LIPA: variants seen among roughly 807,000 people sequenced by gnomAD.
LIPA encodes the protein lysosomal acid lipase/cholesteryl ester hydrolase.
In LIPA, 26 loss-of-function variants were observed where a neutral mutation model predicts 40.6. That is an observed-to-expected ratio of 0.64 (90% CI 0.47 to 0.89). The LOEUF (loss-of-function observed/expected upper bound fraction) is 0.89, where lower values mean the gene tolerates loss of function less well. Ranked by LOEUF, LIPA falls within the 40% of genes least tolerant of loss-of-function variation. The pLI is 0.00. For missense variants in LIPA, 455 were observed against 479.6 expected (o/e 0.95, Z 0.48); for synonymous variants, 188 against 168.4 (o/e 1.12, Z -0.90).
At chr10:89,353,947 A>G (rs1030548488) in intron 2 of LIPA, among the ~76,000 whole-genome samples, 1 of 152,176 alleles carries the variant, frequency 6.6e-6, no homozygotes, top group African/African-American at 2.4e-5. Flanking sequence ...TCTCAAAAAA[A>G]AAAAAGAATA....
chr10:89,335,437 G>A (rs1173524176), intron 1 of LIPA: 2 of 149,874 alleles, frequency 1.3e-5, no homozygotes, highest in East Asian at 3.9e-4. Flanking sequence ...CACATGACAG[G>A]GTGGAAGTAT....
At chr10:89,384,518 A>AT (rs1213932456) in intron 2 of LIPA, 2 of 1,613,952 alleles carry the variant, frequency 1.2e-6, no homozygotes, top group East Asian at 2.2e-5. Flanking sequence ...ATTACCCATT[A>AT]TTTAAAAGGT....
intron 1 of LIPA, among the ~76,000 whole-genome samples, chr10:89,261,149 C>T (rs774101347): frequency 6.6e-6 from 1 of 152,188 alleles, no homozygotes; most frequent in Non-Finnish European, 1.5e-5. Flanking sequence ...CTTTCAGTGC[C>T]CTCCTACATA....
chr10:89,262,799 T>A (rs932970), intron 1 of LIPA, among the ~76,000 whole-genome samples: 10 of 152,364 alleles, frequency 6.6e-5, no homozygotes, highest in Non-Finnish European at 5.9e-5. Flanking sequence ...TTCATATTTG[T>A]AGTAAATTTC....
chr10:89,229,847 G>A (rs1228175266), intron 3 of LIPA, among the ~76,000 whole-genome samples: 3 of 152,080 alleles, frequency 2.0e-5, no homozygotes, highest in Admixed American at 1.3e-4. Context: ...ACTCTGTGAG[G>A]GATGTTCATA....
At chr10:89,380,374 C>T (rs138767395) in intron 2 of LIPA, among the ~76,000 whole-genome samples, 10 of 151,870 alleles carry the variant, frequency 6.6e-5, no homozygotes, top group African/African-American at 2.2e-4. Flanking sequence ...AACATGGTGA[C>T]GAGTCCCTGT....
intron 1 of LIPA, chr10:89,340,146 G>A: frequency 3.2e-6 from 5 of 1,559,092 alleles, no homozygotes; most frequent in Non-Finnish European, 4.3e-6. Flanking sequence ...GAGGAAAACA[G>A]AGCATCAGAA....
At chr10:89,388,885 A>G (rs10887953) in intron 2 of LIPA, among the ~76,000 whole-genome samples, 38,291 of 152,062 alleles carry the variant, frequency 0.25, 5,042 homozygotes, top group Middle Eastern at 0.29. Context: ...GGGCTGAGTG[A>G]TATCATGGGC....
Position 89,215,926 on chromosome 10 carries a change from T to A in LIPA, c.966+12A>T, listed in dbSNP as rs1330860993. The A allele has an allele frequency of 6.3e-7, 1 of 1,585,396 alleles. No homozygotes were observed. Among genetic ancestry groups the A allele is most frequent in the East Asian group, 2.2e-5 (1 of 44,768 alleles). On this transcript the variant is annotated intron_variant, in intron 9 of 9. Coordinates refer to ENST00000336233, the MANE Select transcript of LIPA (RefSeq NM_000235.4). ...TCAGGGCCCCCTTTAATGAAAAGACTAAAAACTTTACCTGGTTGTAATGAA... is the reference window on the plus strand; with the variant it reads ...TCAGGGCCCCCTTTAATGAAAAGACAAAAAACTTTACCTGGTTGTAATGAA...
At chr10:89,385,248 C>CATTATTTGAGAAGGCAA (rs1844202260) in intron 2 of LIPA, 1 of 153,198 alleles carries the variant, frequency 6.5e-6, no homozygotes, top group Non-Finnish European at 1.5e-5. Flanking sequence ...ACAGTCTTTC[C>CATTATTTGAGAAGGCAA]CAATTGCTGC....
intron 1 of LIPA, among the ~76,000 whole-genome samples, chr10:89,303,615 G>C (rs527562991): frequency 1.3e-5 from 2 of 152,318 alleles, no homozygotes; most frequent in South Asian, 4.1e-4. Context: ...TTAAATGGCT[G>C]CTCAAAGGGC....
chr10:89,227,961 G>A (rs1039706970), intron 4 of LIPA, among the ~76,000 whole-genome samples: 8 of 152,176 alleles, frequency 5.3e-5, no homozygotes, highest in Non-Finnish European at 1.0e-4. Context: ...CACCAGAAAT[G>A]CCGAAGTAAC....
chr10:89,335,745 A>G (rs1382770907), intron 1 of LIPA, among the ~76,000 whole-genome samples: 1 of 152,182 alleles, frequency 6.6e-6, no homozygotes, highest in Non-Finnish European at 1.5e-5. Flanking sequence ...GATACATTCT[A>G]TTGATCTGAG....
intron 2 of LIPA, among the ~76,000 whole-genome samples, chr10:89,392,144 A>G (rs936255338): frequency 6.6e-6 from 1 of 152,224 alleles, no homozygotes; most frequent in Non-Finnish European, 1.5e-5. Flanking sequence ...GCTGAAACCA[A>G]AAGTAAGCAA....
chr10:89,303,523 G>A lies in LIPA; in HGVS notation c.-2+39088C>T, dbSNP rs551744210. Among the ~76,000 whole-genome samples the A allele has an allele frequency of 2.0e-5, 3 of 152,312 alleles. No individual in the cohort carries two copies. The South Asian group carries it at 6.2e-4, about 32-fold the overall frequency. ...ATAGGTCCTCACAAGCCAGAGCCCAGGAAGCAAGTGTCTGGCATCAGCTTC... is the reference window on the plus strand; with the variant it reads ...ATAGGTCCTCACAAGCCAGAGCCCAAGAAGCAAGTGTCTGGCATCAGCTTC... On this transcript the variant is annotated intron_variant, in intron 1 of 5. Coordinates refer to the LIPA transcript ENST00000282673.
chr10:89,303,393 T>C (rs1408440319), intron 1 of LIPA, among the ~76,000 whole-genome samples: 1 of 152,244 alleles, frequency 6.6e-6, no homozygotes, highest in African/African-American at 2.4e-5. Flanking sequence ...GCATTAGTTC[T>C]GAGCCTGGTT....
intron 8 of LIPA, among the ~76,000 whole-genome samples, chr10:89,221,823 G>T (rs767763759): frequency 7.9e-5 from 12 of 152,134 alleles, no homozygotes; most frequent in Non-Finnish European, 1.8e-4. Flanking sequence ...TTGAAAAGAG[G>T]TATAGAATAG....
At chr10:89,265,669 A>G (rs1249777108) in intron 1 of LIPA, among the ~76,000 whole-genome samples, 2 of 152,248 alleles carry the variant, frequency 1.3e-5, no homozygotes, top group Non-Finnish European at 2.9e-5. Flanking sequence ...ACACTGGGAA[A>G]GATTGGAAAC....
intron 2 of LIPA, among the ~76,000 whole-genome samples, chr10:89,410,924 GAGAC>G (rs1841464775): frequency 6.6e-6 from 1 of 152,222 alleles, no homozygotes; most frequent in South Asian, 2.1e-4. Context: ...CAGAGAGAGA[GAGAC>G]AGAGAGAGGA....
Sources: allele counts gnomAD v4.1 joint callset (sites outside exome capture counted in the v4.1 genomes callset), GRCh38; gene constraint gnomAD v4.1.1; transcripts MANE v1.5; gene names NCBI Gene and HGNC (gene_info 2026-07-23, HGNC 2026-07-21).